GIPC2: variants seen among roughly 807,000 people sequenced by gnomAD.
The protein encoded by GIPC2 is PDZ domain-containing protein GIPC2.
A neutral mutation model predicts 30.6 loss-of-function variants in GIPC2; 30 were observed. The ratio of observed to expected loss-of-function variants is 0.98; its 90% CI spans 0.73 to 1.33. The LOEUF (loss-of-function observed/expected upper bound fraction) is 1.33. Ranked by LOEUF, GIPC2 falls within the 40% of genes most tolerant of loss-of-function variation. The probability of loss-of-function intolerance (pLI) is 0.00; values close to 1 mark genes in which losing one functional copy is unlikely to be tolerated. For synonymous variants in GIPC2, 167 were observed against 150.0 expected, an observed-to-expected ratio of 1.11 and a Z score of -0.83; for missense variants, 414 against 390.3, an observed-to-expected ratio of 1.06 and a Z score of -0.51.
intron 5 of GIPC2, among the ~76,000 whole-genome samples, chr1:78,134,370 G>A (rs561799035): frequency 6.6e-6 from 1 of 151,866 alleles, no homozygotes; most frequent in Admixed American, 6.6e-5. Context: ...GTGTATGTAT[G>A]TGTGTGTGTA....
chr1:78,064,858 C>T (rs1481003789), intron 1 of GIPC2, among the ~76,000 whole-genome samples: 1 of 151,344 alleles, frequency 6.6e-6, no homozygotes, highest in Non-Finnish European at 1.5e-5. Flanking sequence ...ATTCTCTTGC[C>T]TCAGCCTCCC....
At chr1:78,045,722 G>T (rs1167525591), upstream of GIPC2, 2 of 985,364 alleles carry the variant, frequency 2.0e-6, no homozygotes, top group African/African-American at 3.5e-5. Flanking sequence ...GCCTACTACA[G>T]ATTTATGAAA....
chr1:78,074,460 C>T (rs747499615), intron 1 of GIPC2, among the ~76,000 whole-genome samples: 14 of 152,126 alleles, frequency 9.2e-5, no homozygotes, highest in African/African-American at 2.9e-4. Context: ...TGACCTTAAG[C>T]GATCCTCCCA....
intron 1 of GIPC2, among the ~76,000 whole-genome samples, chr1:78,078,944 C>T (rs1661772708): frequency 6.6e-6 from 1 of 151,924 alleles, no homozygotes; most frequent in African/African-American, 2.4e-5. Flanking sequence ...GTTTTCTACA[C>T]ATACTCCCTT....
intron 1 of GIPC2, among the ~76,000 whole-genome samples, chr1:78,049,026 CATA>C (rs1231155035): frequency 6.6e-6 from 1 of 152,196 alleles, no homozygotes; most frequent in Non-Finnish European, 1.5e-5. Context: ...GCATAGTACG[CATA>C]ATATTTCAGT....
In GIPC2 at chr1:78,067,140, T is replaced by C. The variant is rs865809697; in HGVS notation, c.241-13535T>C. Among the ~76,000 whole-genome samples, 4 of 151,706 alleles carry C rather than the reference T, an allele frequency of 2.6e-5. No homozygotes were observed. In the South Asian group the frequency reaches 6.2e-4, roughly 24 times the overall value. On this transcript the variant is annotated intron_variant, in intron 1 of 5. Transcript: ENST00000370759. ...TTGCTGTGGCTATTTGACAGGTTTATAGAGTCCTATAGCAGGTGCAAAAGT... is the reference window on the plus strand; with the variant it reads ...TTGCTGTGGCTATTTGACAGGTTTACAGAGTCCTATAGCAGGTGCAAAAGT...
In GIPC2 at chr1:78,128,982, A is replaced by G. The variant is rs574250199; in HGVS notation, c.796+3020A>G. Among the ~76,000 whole-genome samples, 89 of 151,082 alleles carry G rather than the reference A, an allele frequency of 5.9e-4. 3 individuals carry two copies. The highest frequency in any genetic ancestry group is 2.1e-3 in the African/African-American group (86 of 41,324). ...ATGGCGCCACTGCACTTTAGACTGG[A>G]CAATAGAGTGAGACCCTGTCTCTAA... On this transcript the variant is annotated intron_variant, in intron 5 of 5. Transcript: ENST00000370759.
chr1:78,078,077 A>G (rs1661749903), intron 1 of GIPC2, among the ~76,000 whole-genome samples: 2 of 149,394 alleles, frequency 1.3e-5, no homozygotes, highest in East Asian at 2.0e-4. Context: ...AGTCCCAGCT[A>G]CTTGGGAGGC....
At chr1:78,120,055 T>C (rs1571523560) in intron 4 of GIPC2, among the ~76,000 whole-genome samples, 1 of 152,230 alleles carries the variant, frequency 6.6e-6, no homozygotes, top group Non-Finnish European at 1.5e-5. Context: ...CCACCTGTGT[T>C]CACCCTTGCC....
chr1:78,091,455 G>T, intron 2 of GIPC2: 1 of 607,638 alleles, frequency 1.6e-6, no homozygotes, highest in South Asian at 1.8e-5. Flanking sequence ...TGCCTGGCTT[G>T]GTGGCTGGCT....
chr1:78,095,616 G>A (rs2100379362), intron 3 of GIPC2, among the ~76,000 whole-genome samples: 1 of 152,108 alleles, frequency 6.6e-6, no homozygotes, highest in East Asian at 1.9e-4. Context: ...TTTGAATTTG[G>A]CAGCATGGGA....
At chr1:78,125,508 A>G (rs1662766441) in intron 4 of GIPC2, among the ~76,000 whole-genome samples, 1 of 152,130 alleles carries the variant, frequency 6.6e-6, no homozygotes, top group South Asian at 2.1e-4. Flanking sequence ...TTCTTTCTAA[A>G]GTCTTCCATG....
intron 1 of GIPC2, among the ~76,000 whole-genome samples, chr1:78,047,797 A>G (rs1661123864): frequency 6.6e-6 from 1 of 152,242 alleles, no homozygotes; most frequent in Admixed American, 6.5e-5. Context: ...ATGGTAACTA[A>G]TATGATTAAT....
chr1:78,129,007 A>AAAATAAATAAATAAAT (rs146694059), intron 5 of GIPC2, among the ~76,000 whole-genome samples: 2 of 142,624 alleles, frequency 1.4e-5, no homozygotes, highest in Admixed American at 7.1e-5. Flanking sequence ...CCTGTCTCTA[A>AAAATAAATAAATAAAT]AAATAAATAA....
At chr1:78,099,541 C>T (rs1407308555) in intron 3 of GIPC2, among the ~76,000 whole-genome samples, 2 of 151,454 alleles carry the variant, frequency 1.3e-5, no homozygotes, top group Admixed American at 6.6e-5. Flanking sequence ...CAGGTTCAAG[C>T]GATTCTCCTG....
At position 78,136,693 on chromosome 1, in the gene GIPC2, C is replaced by G. The variant is rs1663012851; in HGVS notation, c.*950C>G. The G allele has an allele frequency of 7.3e-6, 1 of 136,660 alleles. No homozygotes were observed. 8.5% of individuals were successfully genotyped at this position (136,660 alleles called of 1,614,324 possible). On this transcript the variant is annotated 3_prime_UTR_variant, in exon 6 of 6. Transcript: ENST00000370759. ...AAGAAATGCTATCAGAAATAGATTT[C>G]CTTCCAGTGGAAAGAAAGGAGGAAG...
intron 4 of GIPC2, among the ~76,000 whole-genome samples, chr1:78,121,190 G>T (rs1662675931): frequency 6.6e-6 from 1 of 152,174 alleles, no homozygotes; most frequent in African/African-American, 2.4e-5. Context: ...AAAACTGCAA[G>T]TTTGGGGTGG....
chr1:78,079,484 G>T (rs1229100382), intron 1 of GIPC2, among the ~76,000 whole-genome samples: 1 of 152,192 alleles, frequency 6.6e-6, no homozygotes, highest in South Asian at 2.1e-4. Flanking sequence ...CTCAATCAAG[G>T]TTCTGTTAGG....
chr1:78,130,255 A>C (rs951538823), intron 5 of GIPC2, among the ~76,000 whole-genome samples: 4 of 151,706 alleles, frequency 2.6e-5, no homozygotes, highest in African/African-American at 4.8e-5. Flanking sequence ...GGCGCCCACC[A>C]CCATGGCCAG....
Sources: allele counts gnomAD v4.1 joint callset (sites outside exome capture counted in the v4.1 genomes callset), GRCh38; gene constraint gnomAD v4.1.1; transcripts MANE v1.5; gene names NCBI Gene and HGNC (gene_info 2026-07-23, HGNC 2026-07-21).